Variants in RNF130 observed in about 807,000 individuals in gnomAD.
RNF130 encodes E3 ubiquitin-protein ligase RNF130.
A neutral mutation model predicts 44.6 loss-of-function variants in RNF130; 21 were observed. The observed-to-expected ratio is 0.47, with a 90% confidence interval of 0.33 to 0.68. RNF130 has a LOEUF of 0.68. Among genes scored for constraint, RNF130 ranks in the 30% least tolerant of loss-of-function variants. The pLI is 0.02. For synonymous variants in RNF130, 214 were observed against 210.4 expected, an observed-to-expected ratio of 1.02 and a Z score of -0.15; for missense variants, 479 against 560.6, an observed-to-expected ratio of 0.85 and a Z score of 1.47.
At chr5:179,928,819 G>A (rs1044564338) in intron 7 of RNF130, among the ~76,000 whole-genome samples, 3 of 151,680 alleles carry the variant, frequency 2.0e-5, no homozygotes, top group South Asian at 2.1e-4. Flanking sequence ...TAGTAGAGAC[G>A]GGGTTTCAAC....
At chr5:180,012,867 T>C (rs554104465) in intron 3 of RNF130, among the ~76,000 whole-genome samples, 194 bp downstream of exon 3, 1 of 152,322 alleles carries the variant, frequency 6.6e-6, no homozygotes, top group South Asian at 2.1e-4. Context: ...GTGATCACAA[T>C]AAATTTAGTA....
chr5:180,014,376 G>C (rs534209037), intron 2 of RNF130, among the ~76,000 whole-genome samples: 1 of 152,276 alleles, frequency 6.6e-6, no homozygotes, highest in African/African-American at 2.4e-5. Context: ...GCTGCCGGTG[G>C]CAACATGTAG....
At chr5:180,049,284 C>A (rs1245773305) in intron 1 of RNF130, among the ~76,000 whole-genome samples, 2 of 152,264 alleles carry the variant, frequency 1.3e-5, no homozygotes, top group African/African-American at 4.8e-5. Flanking sequence ...AGTGGAGAGC[C>A]CCACTTGAAG....
At chr5:180,046,371 T>C (rs1764567360) in intron 1 of RNF130, among the ~76,000 whole-genome samples, 1 of 150,854 alleles carries the variant, frequency 6.6e-6, no homozygotes, top group African/African-American at 2.4e-5. Context: ...GAGCAGGGGC[T>C]GCTAGCACGT....
At chr5:180,002,613 C>T (rs1298889607) in intron 3 of RNF130, among the ~76,000 whole-genome samples, 4 of 152,074 alleles carry the variant, frequency 2.6e-5, no homozygotes, top group Admixed American at 6.6e-5. Context: ...TGTAGGTATC[C>T]ACAGTGTTGA....
At chr5:179,958,720 C>G (rs1762262914) in intron 8 of RNF130, among the ~76,000 whole-genome samples, 1 of 152,246 alleles carries the variant, frequency 6.6e-6, no homozygotes, top group South Asian at 2.1e-4. Flanking sequence ...GAGTTTCACT[C>G]TGGTCACCCA....
chr5:180,066,341 T>C (rs1461803724), intron 1 of RNF130, among the ~76,000 whole-genome samples: 4 of 152,240 alleles, frequency 2.6e-5, no homozygotes, highest in South Asian at 4.1e-4. Flanking sequence ...CCCACCATGA[T>C]TCTGAGGCCT....
chr5:180,039,678 C>A (rs920314622), intron 2 of RNF130, among the ~76,000 whole-genome samples: 1 of 152,150 alleles, frequency 6.6e-6, no homozygotes, highest in African/African-American at 2.4e-5. Flanking sequence ...AAAAATTACA[C>A]GATGAAAAGT....
intron 7 of RNF130, among the ~76,000 whole-genome samples, chr5:179,933,089 A>G (rs957699121): frequency 2.6e-5 from 4 of 152,290 alleles, no homozygotes; most frequent in Admixed American, 2.6e-4. Context: ...TTTAATGGGT[A>G]TAGAGTTTCA....
chr5:179,918,174 C>G (rs968554821), exon 8 of RNF130: 6 of 152,176 alleles, frequency 3.9e-5, no homozygotes, highest in African/African-American at 1.2e-4. Flanking sequence ...AAGCCAGGAT[C>G]CACAGCACTG....
chr5:179,928,721 T>C (rs1057448427), intron 7 of RNF130, among the ~76,000 whole-genome samples: 7 of 151,342 alleles, frequency 4.6e-5, no homozygotes, highest in East Asian at 3.9e-4. Flanking sequence ...CCCCGCCTCC[T>C]GGGTTCATGC....
At chr5:180,026,904 A>C (rs931843031) in intron 2 of RNF130, among the ~76,000 whole-genome samples, 2 of 152,350 alleles carry the variant, frequency 1.3e-5, no homozygotes, top group Admixed American at 6.5e-5. Flanking sequence ...CTGCCAGTCC[A>C]GTATGCAAAG....
intron 1 of RNF130, among the ~76,000 whole-genome samples, chr5:180,044,337 C>T (rs533931388): frequency 3.7e-4 from 56 of 152,166 alleles, no homozygotes; most frequent in African/African-American, 1.1e-3. Context: ...TATTTTACTA[C>T]AGAACTTAAT....
chr5:180,003,793 C>T (rs188983667), intron 3 of RNF130, among the ~76,000 whole-genome samples: 4 of 152,312 alleles, frequency 2.6e-5, no homozygotes, highest in Admixed American at 2.6e-4. Flanking sequence ...TTATTAAAGT[C>T]TCTTACCTTC....
intron 2 of RNF130, among the ~76,000 whole-genome samples, chr5:180,035,729 T>C (rs1488817351): frequency 2.6e-5 from 4 of 152,238 alleles, no homozygotes; most frequent in Non-Finnish European, 5.9e-5. Flanking sequence ...TCTGAGGCTC[T>C]GTTCATTTTC....
chr5:180,065,083 A>G (rs1765070314), intron 1 of RNF130, among the ~76,000 whole-genome samples: 1 of 151,954 alleles, frequency 6.6e-6, no homozygotes, highest in Non-Finnish European at 1.5e-5. Context: ...TTCCTTAATA[A>G]TCCTAACCAA....
intron 1 of RNF130, among the ~76,000 whole-genome samples, chr5:180,067,365 G>A (rs376910697): frequency 6.6e-6 from 1 of 152,000 alleles, no homozygotes; most frequent in East Asian, 1.9e-4. Context: ...CATATGCCAC[G>A]TCTTCATCAA....
chr5:180,009,556 C>T (rs1050398827), intron 3 of RNF130, among the ~76,000 whole-genome samples: 4 of 152,188 alleles, frequency 2.6e-5, no homozygotes, highest in African/African-American at 9.7e-5. Flanking sequence ...TCAACAATCA[C>T]AAGAGATGAA....
intron 8 of RNF130, among the ~76,000 whole-genome samples, chr5:179,958,551 T>C (rs1399896472): frequency 6.6e-6 from 1 of 152,242 alleles, no homozygotes; most frequent in Non-Finnish European, 1.5e-5. Context: ...CTCAGAGCCT[T>C]CTACCTGATC....
Sources: allele counts gnomAD v4.1 joint callset (sites outside exome capture counted in the v4.1 genomes callset), GRCh38; gene constraint gnomAD v4.1.1; transcripts MANE v1.5; gene names NCBI Gene and HGNC (gene_info 2026-07-23, HGNC 2026-07-21).